Variants in CRACR2A observed in about 807,000 individuals in gnomAD.
CRACR2A encodes EF-hand calcium-binding domain-containing protein 4B.
In CRACR2A, 79 loss-of-function variants were observed where a neutral mutation model predicts 90.5. The ratio of observed to expected loss-of-function variants is 0.87; its 90% CI spans 0.73 to 1.05. The LOEUF (loss-of-function observed/expected upper bound fraction) is 1.05, where lower values mean the gene tolerates loss of function less well. Ranked by LOEUF, CRACR2A falls within the 50% of genes least tolerant of loss-of-function variation. The pLI, the probability that CRACR2A is intolerant of heterozygous loss-of-function variation, is 0.00. For missense variants in CRACR2A, 823 were observed against 897.2 expected (o/e 0.92, Z 1.06); for synonymous variants, 338 against 356.7 (o/e 0.95, Z 0.59).
intron 4 of CRACR2A, among the ~76,000 whole-genome samples, chr12:3,687,932 C>T (rs983199868): frequency 2.0e-5 from 3 of 152,186 alleles, no homozygotes; most frequent in Non-Finnish European, 4.4e-5. Context: ...TTGCGTTTCT[C>T]TAGTGATCAG....
At chr12:3,623,407 T>G (rs1246505587) in intron 17 of CRACR2A, among the ~76,000 whole-genome samples, 2 of 152,056 alleles carry the variant, frequency 1.3e-5, no homozygotes, top group African/African-American at 2.4e-5. Flanking sequence ...AACAAGAAGC[T>G]CAGCATCCCA....
intron 1 of CRACR2A, among the ~76,000 whole-genome samples, chr12:3,738,445 A>G (rs961783282): frequency 3.9e-5 from 6 of 152,220 alleles, no homozygotes; most frequent in African/African-American, 1.4e-4. Context: ...AGAAGTTTTG[A>G]AGAATGAACC....
At chr12:3,745,276 TGTTATCCCTGA>T in intron 1 of CRACR2A, among the ~76,000 whole-genome samples, 1 of 152,260 alleles carries the variant, frequency 6.6e-6, no homozygotes, top group Admixed American at 6.5e-5. Context: ...CTGAACAATG[TGTTATCCCTGA>T]TGGTATCTCC....
intron 8 of CRACR2A, among the ~76,000 whole-genome samples, chr12:3,657,326 C>T (rs1357942219): frequency 5.9e-5 from 9 of 152,256 alleles, no homozygotes; most frequent in Admixed American, 4.6e-4. Flanking sequence ...TGCCATATAA[C>T]TCACTACCGG....
intron 2 of CRACR2A, chr12:3,727,749 A>C (rs1273225767): frequency 6.6e-6 from 1 of 152,226 alleles, no homozygotes; most frequent in Non-Finnish European, 1.5e-5. Context: ...AACACTCGCC[A>C]AACAAGGGCT....
At chr12:3,688,032 G>T (rs1419019450) in intron 4 of CRACR2A, among the ~76,000 whole-genome samples, 2 of 151,948 alleles carry the variant, frequency 1.3e-5, no homozygotes, top group Admixed American at 6.6e-5. Context: ...TTTTTTATGG[G>T]ATTGCTTGTT....
At position 3,711,056 on chromosome 12, in the gene CRACR2A, G is replaced by C. The variant is rs77576865; in HGVS notation, c.-37+2181C>G. 6.6e-6 allele frequency among the ~76,000 whole-genome samples: 1 copy of C among 151,990 alleles called. No homozygotes were observed. The highest frequency in any genetic ancestry group is 6.5e-5 in the Admixed American group (1 of 15,270). On this transcript the variant is annotated intron_variant, in intron 3 of 19. Transcript: ENST00000440314. This position sits in a 1 kb window ranked among gnomAD's most constrained non-coding sequence, Gnocchi z 4.3. ...CCAACAGCCTCAAAAGTCTCAACTC[G>C]TTCTAGCATAAACTCAAAGGCAGAA...
At position 3,617,020 on chromosome 12, in the gene CRACR2A, A is replaced by T. The variant is rs542795415; in HGVS notation, c.2045T>A (p.Leu682Gln). ...GTAGGCGCTGCATTCATAGAAGATC[A>T]GATTGTTCTCCTAGAATCATAAAAC... ...LGEQLATENN[L>Q]IFYECSAYSG... Residue 682 changes from leucine to glutamine, a missense_variant, in exon 19 of 20, where the codon CTG becomes CAG. Physicochemically the swap from Leu to Gln is moderately radical, Grantham distance 113. Transcript: ENST00000440314. 9 of 1,551,328 alleles carry T rather than the reference A, an allele frequency of 5.8e-6. No individual in the cohort carries two copies. The East Asian group carries it at 2.2e-4, about 38-fold the overall frequency.
chr12:3,720,661 G>A (rs1244458903), intron 2 of CRACR2A, among the ~76,000 whole-genome samples: 1 of 152,104 alleles, frequency 6.6e-6, no homozygotes, highest in African/African-American at 2.4e-5. Flanking sequence ...TCCTGACCTG[G>A]TCCCAGCCTC....
At chr12:3,619,868 C>T (rs923027586) in intron 17 of CRACR2A, among the ~76,000 whole-genome samples, 1 of 152,224 alleles carries the variant, frequency 6.6e-6, no homozygotes, top group Non-Finnish European at 1.5e-5. Context: ...CCTGATTGCA[C>T]ATAAGCTTCT....
intron 5 of CRACR2A, among the ~76,000 whole-genome samples, chr12:3,679,551 C>T (rs1945408180): frequency 6.6e-6 from 1 of 152,212 alleles, no homozygotes; most frequent in Non-Finnish European, 1.5e-5. Context: ...GTACTTCCTC[C>T]ATACTCATAC....
intron 6 of CRACR2A, among the ~76,000 whole-genome samples, chr12:3,675,757 C>G (rs545896511): frequency 6.6e-6 from 1 of 152,306 alleles, no homozygotes; most frequent in South Asian, 2.1e-4. Context: ...GTAAATGTGA[C>G]TTGTCTTCCA....
At chr12:3,702,134 A>C (rs1945843464) in intron 3 of CRACR2A, among the ~76,000 whole-genome samples, 1 of 152,208 alleles carries the variant, frequency 6.6e-6, no homozygotes, top group Non-Finnish European at 1.5e-5. Flanking sequence ...TAAGAGAACT[A>C]GGAATAGGAA....
Position 3,654,309 on chromosome 12 carries a change from G to A in CRACR2A, c.949C>T (p.Arg317Trp), listed in dbSNP as rs775661668. 50 of 1,613,882 alleles carry A rather than the reference G, an allele frequency of 3.1e-5. No homozygotes were observed. The highest frequency in any genetic ancestry group is 1.7e-4 in the Admixed American group (10 of 59,950). The part of the protein sequence containing the change: ...KLKLTNQELA[R>W]ELERTSWELQ... Reference sequence around the variant, plus strand: ...TCCCAGGAAGTCCGCTCCAGCTCCCGGGCCAGCTCCTGGTTAGTGAGTTTC... The same window carrying A: ...TCCCAGGAAGTCCGCTCCAGCTCCCAGGCCAGCTCCTGGTTAGTGAGTTTC... The change falls in exon 10 of 20, where the codon CGG (arginine) becomes TGG (tryptophan). Residue 317 changes from arginine to tryptophan, a missense_variant. Transcript: ENST00000440314.
intron 4 of CRACR2A, among the ~76,000 whole-genome samples, chr12:3,692,807 G>T (rs963479161): frequency 6.6e-6 from 1 of 152,164 alleles, no homozygotes; most frequent in African/African-American, 2.4e-5. Context: ...AGTTGTGCTG[G>T]TGGTGGTGGT....
At chr12:3,686,822 T>C (rs1186792567) in intron 4 of CRACR2A, among the ~76,000 whole-genome samples, 2 of 152,168 alleles carry the variant, frequency 1.3e-5, no homozygotes, top group Non-Finnish European at 2.9e-5. Flanking sequence ...CTGAGGACTC[T>C]CTAAACTTGG....
chr12:3,680,985 C>A (rs1481475619), intron 4 of CRACR2A, among the ~76,000 whole-genome samples: 2 of 152,240 alleles, frequency 1.3e-5, no homozygotes, highest in Non-Finnish European at 2.9e-5. Context: ...AAGTACGTGG[C>A]AGAGCCAGGC....
chr12:3,638,274 A>G lies in CRACR2A; in HGVS notation c.1452T>C (p.Asp484=). The G allele has an allele frequency of 1.3e-6, 2 of 1,551,712 alleles. No homozygotes were observed. Among genetic ancestry groups the G allele is most frequent in the East Asian group, 2.4e-5 (1 of 40,918 alleles). The change falls in exon 14 of 20, where the codon GAT becomes GAC. Residue 484 remains aspartate (D), a synonymous_variant. Coordinates refer to ENST00000440314, the MANE Select transcript of CRACR2A (RefSeq NM_001144958.2). ...VEEDPLPQLL[D]GGFEQPLSKC... is the part of the protein sequence containing the mutation. ...TGCTCAGGGGTTGCTCAAAGCCACCATCCAGGAGCTGGGGCAGGGGGTCTT... is the reference window on the plus strand; with the variant it reads ...TGCTCAGGGGTTGCTCAAAGCCACCGTCCAGGAGCTGGGGCAGGGGGTCTT...
chr12:3,615,866 G>A (rs374943644), intron 19 of CRACR2A, among the ~76,000 whole-genome samples: 1 of 152,198 alleles, frequency 6.6e-6, no homozygotes, highest in Non-Finnish European at 1.5e-5. Flanking sequence ...ACAGTAACCA[G>A]CACACAGGTG....
Sources: gnomAD v4.1 joint callset for allele counts (sites outside exome capture counted in the v4.1 genomes callset) on GRCh38, gnomAD v4.1.1 for gene constraint, Gnocchi (gnomAD v3.1) non-coding constraint, MANE v1.5 for transcripts, NCBI Gene and HGNC (gene_info 2026-07-23, HGNC 2026-07-21) for gene names.